The following SPMAP2L variants were observed in gnomAD, a reference collection of about 807,000 sequenced individuals.
SPMAP2L encodes sperm microtubule associated protein 2 like.
At chr4:56,575,630 G>A in the SPMAP2L span, 2 of 1,535,394 alleles carry the variant, frequency 1.3e-6, no homozygotes, top group Non-Finnish European at 8.7e-7. Context: ...AAAAGACAGT[G>A]TCTACTAAAT....
the SPMAP2L span, among the ~76,000 whole-genome samples, chr4:56,615,374 T>C: frequency 6.6e-6 from 1 of 152,244 alleles, no homozygotes; most frequent in Non-Finnish European, 1.5e-5. Flanking sequence ...TCTGTAGGTT[T>C]CTACGCTATG....
the SPMAP2L span, among the ~76,000 whole-genome samples, chr4:56,614,561 G>A: frequency 7.9e-5 from 12 of 152,232 alleles, no homozygotes; most frequent in Admixed American, 5.9e-4. Flanking sequence ...GGCTGAGGCA[G>A]GAGAACAGCT....
At chr4:56,594,423 A>G in the SPMAP2L span, 6 of 1,597,520 alleles carry the variant, frequency 3.8e-6, no homozygotes, top group African/African-American at 2.7e-5. Context: ...GACCAAGCTC[A>G]AGGATATCAG....
chr4:56,614,612 C>T, the SPMAP2L span, among the ~76,000 whole-genome samples: 1 of 152,066 alleles, frequency 6.6e-6, no homozygotes, highest in Admixed American at 6.6e-5. Context: ...TGAGATCGTG[C>T]CACTGAACTC....
chr4:56,611,613 T>C, the SPMAP2L span, among the ~76,000 whole-genome samples: 184 of 152,208 alleles, frequency 1.2e-3, no homozygotes, highest in Non-Finnish European at 2.1e-3. Context: ...AGAGTCAGAA[T>C]ACACAAATGA....
chr4:56,547,524 G>C, the SPMAP2L span, among the ~76,000 whole-genome samples: 1 of 152,150 alleles, frequency 6.6e-6, no homozygotes, highest in South Asian at 2.1e-4. Flanking sequence ...GGGATTACAG[G>C]CATGAGCCAC....
At chr4:56,583,518 A>G in the SPMAP2L span, among the ~76,000 whole-genome samples, 1 of 152,202 alleles carries the variant, frequency 6.6e-6, no homozygotes, top group Non-Finnish European at 1.5e-5. Flanking sequence ...GCCTACCCCT[A>G]GAGAGTAATC....
the SPMAP2L span, among the ~76,000 whole-genome samples, chr4:56,536,523 C>T: frequency 2.0e-5 from 3 of 152,140 alleles, no homozygotes; most frequent in Admixed American, 2.0e-4. Context: ...GAGGCAGGAC[C>T]TTTGTCTTTC....
chr4:56,568,517 T>G, the SPMAP2L span, among the ~76,000 whole-genome samples: 1 of 152,192 alleles, frequency 6.6e-6, no homozygotes, highest in Non-Finnish European at 1.5e-5. Context: ...ACTTACCAAA[T>G]AATTTGCTCA....
the SPMAP2L span, among the ~76,000 whole-genome samples, chr4:56,615,368 T>C: frequency 6.6e-6 from 1 of 152,204 alleles, no homozygotes; most frequent in Non-Finnish European, 1.5e-5. Context: ...ATCTCTTCTG[T>C]AGGTTTCTAC....
At chr4:56,543,895 A>AGAGTGTGT in the SPMAP2L span, among the ~76,000 whole-genome samples, 1 of 109,460 alleles carries the variant, frequency 9.1e-6, no homozygotes, top group East Asian at 2.7e-4. Flanking sequence ...AGAGAGAGAG[A>AGAGTGTGT]GTGTGTGTGT....
the SPMAP2L span, among the ~76,000 whole-genome samples, chr4:56,551,639 A>G: frequency 3.3e-5 from 5 of 152,160 alleles, no homozygotes; most frequent in African/African-American, 1.2e-4. Flanking sequence ...AAGAGTTGTC[A>G]TGTATTGGCC....
chr4:56,562,786 C>CTTTTTT, the SPMAP2L span, among the ~76,000 whole-genome samples: 17,269 of 145,034 alleles, frequency 0.12, 1,147 homozygotes, highest in South Asian at 0.17. Flanking sequence ...TTTTCTTCGT[C>CTTTTTT]TTTTTTTTTA....
chr4:56,607,667 T>C, the SPMAP2L span, among the ~76,000 whole-genome samples: 1 of 152,008 alleles, frequency 6.6e-6, no homozygotes, highest in East Asian at 1.9e-4. Flanking sequence ...ATTACTTAAG[T>C]GGTCATGAAC....
the SPMAP2L span, among the ~76,000 whole-genome samples, chr4:56,585,339 C>T: frequency 4.5e-4 from 68 of 152,056 alleles, no homozygotes; most frequent in African/African-American, 1.5e-3. Flanking sequence ...TGGACATTAC[C>T]GTGGGATTTT....
the SPMAP2L span, among the ~76,000 whole-genome samples, chr4:56,617,683 G>A: frequency 2.0e-5 from 3 of 151,706 alleles, no homozygotes; most frequent in South Asian, 6.3e-4. Context: ...TTGTGTTAAC[G>A]AGCTCATTTA....
At chr4:56,562,219 C>T in the SPMAP2L span, among the ~76,000 whole-genome samples, 145,108 of 152,172 alleles carry the variant, frequency 0.95, 69,271 homozygotes, top group Middle Eastern at 0.97. Context: ...ATATTTACTT[C>T]GGAGGGATCA....
At chr4:56,570,225 C>G in the SPMAP2L span, among the ~76,000 whole-genome samples, 24 of 152,134 alleles carry the variant, frequency 1.6e-4, no homozygotes, top group Non-Finnish European at 3.4e-4. Flanking sequence ...ACGAACCTAC[C>G]CAGGAAGCCT....
At chr4:56,585,633 C>T in the SPMAP2L span, among the ~76,000 whole-genome samples, 1,182 of 152,308 alleles carry the variant, frequency 7.8e-3, 20 homozygotes, top group South Asian at 0.064. Context: ...TGAGCCACTG[C>T]GCCTGTCCTA....
Sources: allele counts gnomAD v4.1 joint callset (sites outside exome capture counted in the v4.1 genomes callset), GRCh38; gene constraint gnomAD v4.1.1; transcripts MANE v1.5; gene names NCBI Gene and HGNC (gene_info 2026-07-23, HGNC 2026-07-21).